LATS1: variants seen among roughly 807,000 people sequenced by gnomAD.
LATS1 encodes large tumor suppressor kinase 1.
In LATS1, 25 loss-of-function variants were observed where a neutral mutation model predicts 106.6. The observed-to-expected ratio is 0.23, with a 90% CI of 0.17 to 0.33. The LOEUF is 0.33. Among genes scored for constraint, LATS1 ranks in the 10% least tolerant of loss-of-function variants. The pLI is 1.00. For missense variants in LATS1, 1,040 were observed against 1,382.6 expected, an observed-to-expected ratio of 0.75 and a Z score of 3.93; for synonymous variants, 465 against 455.6, an observed-to-expected ratio of 1.02 and a Z score of -0.26.
chr6:149,664,416 T>G (rs1350226076), intron 7 of LATS1, among the ~76,000 whole-genome samples: 1 of 152,108 alleles, frequency 6.6e-6, no homozygotes, highest in East Asian at 1.9e-4. Flanking sequence ...TAATGTACAT[T>G]TCAAGAAACT....
chr6:149,707,475 C>T (rs1783851116), intron 1 of LATS1, among the ~76,000 whole-genome samples: 1 of 152,122 alleles, frequency 6.6e-6, no homozygotes, highest in African/African-American at 2.4e-5. Context: ...CCAAATTTAT[C>T]TTATCTTACC....
At chr6:149,667,702 C>G (rs186154842) in intron 7 of LATS1, among the ~76,000 whole-genome samples, 6 of 152,096 alleles carry the variant, frequency 3.9e-5, no homozygotes, top group African/African-American at 7.2e-5. Flanking sequence ...ATTTAAGATG[C>G]CTGGTGAATA....
At chr6:149,691,405 G>A (rs978996822) in intron 3 of LATS1, among the ~76,000 whole-genome samples, 2 of 152,140 alleles carry the variant, frequency 1.3e-5, no homozygotes, top group Non-Finnish European at 2.9e-5. Context: ...CATTGTTTAA[G>A]CCACCCAGTC....
At position 149,706,940 on chromosome 6, in the gene LATS1, T is replaced by A. The variant is rs534667841; in HGVS notation, c.-140-4674A>T. Among the ~76,000 whole-genome samples the A allele has an allele frequency of 2.0e-5, 3 of 152,190 alleles. 1 individual carries two copies. Among genetic ancestry groups the A allele is most frequent in the East Asian group, 3.9e-4 (2 of 5,192 alleles). On this transcript the variant is annotated intron_variant, in intron 1 of 7. Transcript: ENST00000543571. ...CACAGGAAACTAATAATAATCACTA[T>A]TAATACTGAATATTCTAACATATAC...
chr6:149,671,932 A>G (rs1781463730), intron 7 of LATS1, among the ~76,000 whole-genome samples: 1 of 151,692 alleles, frequency 6.6e-6, no homozygotes, highest in Non-Finnish European at 1.5e-5. Context: ...TCTGTTGCCC[A>G]GGCTGGAGTA....
chr6:149,679,782 T>C lies in LATS1; in HGVS notation c.2593+93A>G, dbSNP rs1207907026. On this transcript the variant is annotated intron_variant, in intron 5 of 7. Transcript: ENST00000543571. ...CAAGACCTGACCCACATCTTCTGGC[T>C]CTCATCCAGTGATGATACCATCTTA... 15 of 934,630 alleles carry C rather than the reference T, an allele frequency of 1.6e-5. No homozygotes were observed. The East Asian group carries it at 3.7e-4, about 23-fold the overall frequency. 57.9% of individuals were successfully genotyped at this position (934,630 alleles called of 1,614,324 possible).
chr6:149,672,489 G>T lies in LATS1; in HGVS notation c.2883+3771C>A, dbSNP rs150423349. ...CTCCCAAAGTGCTGGGATTACAGGT[G>T]TGAGTCACCATGCCCAGCCTATGAT... On this transcript the variant is annotated intron_variant, in intron 7 of 7. Transcript: ENST00000543571. 4.7e-4 allele frequency among the ~76,000 whole-genome samples: 72 copies of T among 151,994 alleles called. No homozygotes were observed. In the East Asian group the frequency reaches 0.013, roughly 27 times the overall value.
intron 7 of LATS1, chr6:149,675,705 T>C (rs34337297): frequency 0.53 from 81,261 of 152,102 alleles, 24,889 homozygotes; most frequent in East Asian, 0.83. Context: ...TACAGGCGCC[T>C]GCCACCACAC....
chr6:149,673,096 C>CTTTTTTTTTTTTTTTT (rs199602290), intron 7 of LATS1, among the ~76,000 whole-genome samples: 9 of 119,086 alleles, frequency 7.6e-5, no homozygotes, highest in Non-Finnish European at 1.4e-4. Flanking sequence ...CTTTTCTTTT[C>CTTTTTTTTTTTTTTTT]TTTTTTTTTT....
intron 2 of LATS1, 37 bp from the exon 3 acceptor site, chr6:149,695,258 AT>A (rs763859472): frequency 7.2e-7 from 1 of 1,396,542 alleles, no homozygotes; most frequent in Non-Finnish European, 9.9e-7. Context: ...AAGAAACAAA[AT>A]TTAAATCTTA....
At chr6:149,714,566 CAGA>C (rs1260943293) in intron 1 of LATS1, among the ~76,000 whole-genome samples, 1 of 151,950 alleles carries the variant, frequency 6.6e-6, no homozygotes, top group African/African-American at 2.4e-5. Flanking sequence ...GAGTTATCTT[CAGA>C]AGAAGCTGTT....
intron 2 of LATS1, among the ~76,000 whole-genome samples, chr6:149,700,063 C>T (rs1226028456): frequency 6.6e-6 from 1 of 152,170 alleles, no homozygotes; most frequent in Non-Finnish European, 1.5e-5. Flanking sequence ...CCAGGTCCTT[C>T]CCTCCTCCTC....
chr6:149,678,988 C>T (rs1007372858), intron 5 of LATS1, among the ~76,000 whole-genome samples: 8 of 151,656 alleles, frequency 5.3e-5, no homozygotes, highest in African/African-American at 1.9e-4. Context: ...CATGGAGGAA[C>T]CTCAAACAAG....
At chr6:149,717,242 G>C (rs1425288586) in intron 1 of LATS1, among the ~76,000 whole-genome samples, 1 of 152,174 alleles carries the variant, frequency 6.6e-6, no homozygotes, top group Non-Finnish European at 1.5e-5. Context: ...GGCATTCATT[G>C]AGCTACAAGC....
intron 4 of LATS1, among the ~76,000 whole-genome samples, chr6:149,681,062 A>T (rs558548324): frequency 6.6e-6 from 1 of 152,194 alleles, no homozygotes; most frequent in South Asian, 2.1e-4. Context: ...TGCGACTCAC[A>T]GTCTACCACT....
In LATS1 at chr6:149,702,013, A is replaced by G. The variant is rs1296957202; in HGVS notation, c.114T>C (p.Leu38=). ...CATCAGATGGTTTAGATAAATTCCTAAGGGATTCCCGAATTTCTTGTAACA... is the reference window on the plus strand; with the variant it reads ...CATCAGATGGTTTAGATAAATTCCTGAGGGATTCCCGAATTTCTTGTAACA... The part of the protein sequence containing the change: ...RQMLQEIRES[L]RNLSKPSDAA... Residue 38 remains leucine, a synonymous_variant, in exon 2 of 8, where the codon CTT becomes CTC. Transcript: ENST00000543571. 1.2e-6 allele frequency: 2 copies of G among 1,614,138 alleles called. No individual in the cohort carries two copies. Among genetic ancestry groups the G allele is most frequent in the Non-Finnish European group, 8.5e-7 (1 of 1,179,976 alleles).
rs368612151 is a variant in LATS1 at position 149,687,871 on chromosome 6, C to T, written c.497-3279G>A. On this transcript the variant is annotated intron_variant, in intron 3 of 7. Coordinates refer to ENST00000543571, the MANE Select transcript of LATS1 (RefSeq NM_004690.4). ...GCGTGAGCCACCGTACTTGACCCTC[C>T]TCTTTTTTTTTTTTTTTTTTGAGGC... 1.9e-3 allele frequency among the ~76,000 whole-genome samples: 283 copies of T among 149,374 alleles called. 1 individual carries two copies. Among genetic ancestry groups the T allele is most frequent in the African/African-American group, 5.5e-3 (221 of 40,190 alleles).
At chr6:149,713,890 C>G (rs921986978) in intron 1 of LATS1, among the ~76,000 whole-genome samples, 4 of 152,134 alleles carry the variant, frequency 2.6e-5, no homozygotes, top group African/African-American at 9.7e-5. Flanking sequence ...GAACTCCTAA[C>G]CTCAGGTGAT....
chr6:149,711,762 TA>T (rs1784113981), intron 1 of LATS1, among the ~76,000 whole-genome samples: 1 of 152,232 alleles, frequency 6.6e-6, no homozygotes, highest in South Asian at 2.1e-4. Context: ...TCCTTCCAAA[TA>T]AATCAGGGTC....
Sources: gnomAD v4.1 joint callset for allele counts (sites outside exome capture counted in the v4.1 genomes callset) on GRCh38, gnomAD v4.1.1 for gene constraint, MANE v1.5 for transcripts, NCBI Gene and HGNC (gene_info 2026-07-23, HGNC 2026-07-21) for gene names.